TMC5: variants seen among roughly 807,000 people sequenced by gnomAD.
TMC5 encodes transmembrane channel like 5.
A neutral mutation model predicts 110.5 loss-of-function variants in TMC5; 86 were observed. That is an observed-to-expected ratio of 0.78 (90% CI 0.65 to 0.93). TMC5 has a LOEUF of 0.93. TMC5 is among the 40% of genes least tolerant of loss of function. The pLI is 0.00. For synonymous variants in TMC5, 455 were observed against 439.5 expected (o/e 1.04, Z -0.44); for missense variants, 1,144 against 1,222.8 (o/e 0.94, Z 0.96).
intron 5 of TMC5, among the ~76,000 whole-genome samples, chr16:19,453,247 G>A (rs890547693): frequency 8.6e-5 from 13 of 151,842 alleles, no homozygotes; most frequent in Non-Finnish European, 1.6e-4. Flanking sequence ...TGAGTTCAGA[G>A]GTTTAAGAAC....
At chr16:19,437,532 A>G (rs1234312353) in intron 2 of TMC5, among the ~76,000 whole-genome samples, 3 of 152,250 alleles carry the variant, frequency 2.0e-5, no homozygotes, top group Non-Finnish European at 1.5e-5. Flanking sequence ...GTGTTGGCAG[A>G]AAGTTAATAT....
At chr16:19,491,756 C>G (rs111613062) in intron 18 of TMC5, among the ~76,000 whole-genome samples, 60 of 152,176 alleles carry the variant, frequency 3.9e-4, no homozygotes, top group African/African-American at 1.4e-3. Context: ...AGGATGATCT[C>G]GATCTCCTGA....
intron 7 of TMC5, 111 bp downstream of exon 7, chr16:19,463,478 C>G: frequency 1.0e-6 from 1 of 981,326 alleles, no homozygotes; most frequent in Non-Finnish European, 1.6e-6. Flanking sequence ...AATTTCATTG[C>G]CCAGAGCCAA....
intron 2 of TMC5, 148 bp from the exon 3 acceptor site, chr16:19,439,812 A>C: frequency 1.9e-6 from 1 of 514,700 alleles, no homozygotes; most frequent in Non-Finnish European, 3.5e-6. Context: ...ACCTTGGTGC[A>C]AGAGAATCTA....
rs772007303 is a variant in TMC5, at chr16:19,494,330, C to T, written c.2895C>T (p.Asn965=). ...TGCAGGATATGGAGAAGAAAGCAAA[C>T]CCCAGCTCACTTGTTCTGGAAAGGA... The part of the protein sequence containing the change: ...IKLQDMEKKA[N]PSSLVLERRE... Residue 965 remains asparagine (N), a synonymous_variant, in exon 20 of 22, where the codon AAC becomes AAT. Coordinates refer to ENST00000542583, the MANE Select transcript of TMC5 (RefSeq NM_001261841.2). 6.8e-6 allele frequency: 11 copies of T among 1,613,730 alleles called. No homozygotes were observed. The South Asian group carries it at 1.1e-4, about 16-fold the overall frequency.
intron 9 of TMC5, among the ~76,000 whole-genome samples, chr16:19,466,739 T>G (rs1346971525): frequency 6.6e-6 from 1 of 152,222 alleles, no homozygotes; most frequent in Non-Finnish European, 1.5e-5. Context: ...GAGGTTTTTC[T>G]GTGCTTTTAA....
At chr16:19,487,347 G>A in intron 17 of TMC5, 21 bp downstream of exon 17, 1 of 1,607,548 alleles carries the variant, frequency 6.2e-7, no homozygotes, top group African/African-American at 1.3e-5. Flanking sequence ...GTGGCCTTGG[G>A]GGAGGTTTTA....
Position 19,498,544 on chromosome 16 carries a change from CG to C in TMC5, c.*582del. On this transcript the variant is annotated 3_prime_UTR_variant, in exon 22 of 22. Transcript: ENST00000542583. ...TACTGATTACATGAGTCTTTGGAGT[CG>C]GGGATGGAGGAGGTTCTGCCCCTGT... 6.5e-6 allele frequency: 1 copy of C among 152,740 alleles called. No individual in the cohort carries two copies. The highest frequency in any genetic ancestry group is 1.5e-5 in the Non-Finnish European group (1 of 68,538). The allele number at this position is 152,740 out of a possible 1,614,324, so 9.5% of individuals were successfully genotyped here.
chr16:19,474,611 A>G, intron 12 of TMC5: 1 of 249,560 alleles, frequency 4.0e-6, no homozygotes, highest in Non-Finnish European at 7.8e-6. Flanking sequence ...CAGGAGTTTG[A>G]GCTTACCTAT....
At chr16:19,447,912 CA>C (rs200782292) in intron 4 of TMC5, among the ~76,000 whole-genome samples, 10,657 of 152,040 alleles carry the variant, frequency 0.07, 755 homozygotes, top group African/African-American at 0.19. Context: ...GACACACACC[CA>C]GGGGGCGCAC....
intron 3 of TMC5, among the ~76,000 whole-genome samples, chr16:19,441,369 G>A (rs1967487652): frequency 6.6e-6 from 1 of 150,776 alleles, no homozygotes; most frequent in Non-Finnish European, 1.5e-5. Flanking sequence ...ACCCAGGTTG[G>A]AGTGCAGTGG....
At chr16:19,450,746 A>G (rs16972029) in intron 5 of TMC5, among the ~76,000 whole-genome samples, 10,732 of 152,220 alleles carry the variant, frequency 0.071, 769 homozygotes, top group African/African-American at 0.19. Flanking sequence ...TTTTACCACA[A>G]GGGACAAGAC....
chr16:19,477,317 T>C, intron 12 of TMC5, 123 bp from the exon 13 acceptor site: 1 of 714,668 alleles, frequency 1.4e-6, no homozygotes, highest in Non-Finnish European at 2.5e-6. Context: ...ACTAGCCATG[T>C]GCCCCCCTCC....
chr16:19,462,883 G>C (rs1430338100), intron 6 of TMC5, among the ~76,000 whole-genome samples: 1 of 149,656 alleles, frequency 6.7e-6, no homozygotes, highest in Non-Finnish European at 1.5e-5. Flanking sequence ...GGGTGACAGA[G>C]TGAGACGCCA....
In TMC5 at chr16:19,498,735, G is replaced by T. The variant is rs2151441614; in HGVS notation, c.*769G>T. ...TAATCAGCGCTGGCAATTTTTGACA[G>T]TCTCTACGGAGACTGAATAAGAAAA... On this transcript the variant is annotated 3_prime_UTR_variant, in exon 22 of 22. Transcript: ENST00000542583. 6.6e-6 allele frequency: 1 copy of T among 152,202 alleles called. No individual in the cohort carries two copies. Among genetic ancestry groups the T allele is most frequent in the East Asian group, 1.9e-4 (1 of 5,180 alleles). The allele number at this position is 152,202 out of a possible 1,614,324, so 9.4% of individuals were successfully genotyped here. A position where few individuals can be genotyped will look rare whatever the true frequency, so the allele number is the denominator to read the frequency against.
intron 2 of TMC5, among the ~76,000 whole-genome samples, chr16:19,439,678 C>T (rs979991048): frequency 1.1e-4 from 16 of 152,146 alleles, no homozygotes; most frequent in African/African-American, 3.4e-4. Flanking sequence ...CCGTCATTTC[C>T]GCATTCCAGC....
At chr16:19,463,470 T>C in intron 7 of TMC5, 103 bp downstream of exon 7, 1 of 1,027,852 alleles carries the variant, frequency 9.7e-7, no homozygotes, top group Non-Finnish European at 1.5e-6. Flanking sequence ...ATCAGAGCAA[T>C]TTCATTGCCC....
chr16:19,429,701 G>A (rs114344018), intron 1 of TMC5, among the ~76,000 whole-genome samples: 21 of 152,286 alleles, frequency 1.4e-4, no homozygotes, highest in African/African-American at 4.6e-4. Flanking sequence ...GTTGAAATGA[G>A]GTGCCTGGGA....
chr16:19,467,341 C>G (rs766688425), intron 9 of TMC5, among the ~76,000 whole-genome samples: 2 of 152,110 alleles, frequency 1.3e-5, no homozygotes, highest in Non-Finnish European at 2.9e-5. Context: ...GGCTTGTAGA[C>G]GGCCACTGTC....
Sources: allele counts gnomAD v4.1 joint callset (sites outside exome capture counted in the v4.1 genomes callset), GRCh38; gene constraint gnomAD v4.1.1; transcripts MANE v1.5; gene names NCBI Gene and HGNC (gene_info 2026-07-23, HGNC 2026-07-21).